The following FLT1 variants were observed in gnomAD, a reference collection of about 807,000 sequenced individuals.
The protein encoded by FLT1 is fms related receptor tyrosine kinase 1.
In FLT1, 49 loss-of-function variants were observed where a neutral mutation model predicts 156.3. That is an observed-to-expected ratio of 0.31 (90% CI 0.25 to 0.40). FLT1 has a LOEUF of 0.40. Ranked by LOEUF, FLT1 falls within the 10% of genes least tolerant of loss-of-function variation. The pLI is 1.00. For synonymous variants in FLT1, 594 were observed against 583.8 expected, an observed-to-expected ratio of 1.02 and a Z score of -0.25; for missense variants, 1,322 against 1,637.2, an observed-to-expected ratio of 0.81 and a Z score of 3.32.
chr13:28,406,757 C>T lies in FLT1; in HGVS notation c.1437-863G>A, dbSNP rs1376541078. On this transcript the variant is annotated intron_variant, in intron 10 of 29. Transcript: ENST00000282397. ...AACCTCTGGGTTCAAGCAATCCTGC[C>T]GCTTCAGCCTGTAGCTGGGATTATA... Among the ~76,000 whole-genome samples the T allele has an allele frequency of 4.6e-5, 7 of 152,084 alleles. No individual in the cohort carries two copies. The East Asian group carries it at 7.7e-4, about 17-fold the overall frequency.
intron 16 of FLT1, among the ~76,000 whole-genome samples, chr13:28,342,955 TC>T (rs1383562970): frequency 6.8e-6 from 1 of 147,280 alleles, no homozygotes; most frequent in Non-Finnish European, 1.5e-5. Flanking sequence ...TTTCTCTCTC[TC>T]TCTCTCTCTC....
At chr13:28,412,212 T>C (rs1367231489) in intron 10 of FLT1, among the ~76,000 whole-genome samples, 1 of 152,182 alleles carries the variant, frequency 6.6e-6, no homozygotes, top group African/African-American at 2.4e-5. Flanking sequence ...CTACTGTGGG[T>C]GTCGTGTCAA....
intron 15 of FLT1, among the ~76,000 whole-genome samples, chr13:28,357,306 A>G (rs540377723): frequency 2.8e-4 from 43 of 152,162 alleles, no homozygotes; most frequent in African/African-American, 9.4e-4. Flanking sequence ...TCTTCTGGGA[A>G]CGACTTCTCC....
At position 28,312,071 on chromosome 13, in the gene FLT1, G is replaced by T. The variant is rs762195216; in HGVS notation, c.3414C>A (p.His1138Gln). Residue 1138 changes from histidine (H) to glutamine (Q), a missense_variant, in exon 26 of 30, where the codon CAC (histidine) becomes CAA (glutamine). Around this residue, in one of 3 missense-constraint regions of FLT1, gnomAD observed 329 missense variants for 366.2 expected, o/e 0.90. Coordinates refer to ENST00000282397, the MANE Select transcript of FLT1 (RefSeq NM_002019.4). ...ATCTTGGCCTTTCTTTTGGGTCTCT[G>T]TGCCAGCAGTCCAGCATGATCTGAT... Reference protein sequence around the residue: ...EIYQIMLDCWHRDPKERPRFA... With the variant: ...EIYQIMLDCWQRDPKERPRFA... 5 of 1,613,548 alleles carry T rather than the reference G, an allele frequency of 3.1e-6. No individual in the cohort carries two copies. The East Asian group carries it at 1.1e-4, about 36-fold the overall frequency.
rs1424415784 is a variant in FLT1, at chr13:28,301,163, T to C, written c.*2004A>G. On this transcript the variant is annotated 3_prime_UTR_variant, in exon 30 of 30. Coordinates refer to ENST00000282397, the MANE Select transcript of FLT1 (RefSeq NM_002019.4). ...GTTATCACTATTTGCTGGGCTATTA[T>C]CTGATTTGGAAAAAAAAAAAAAAGT... The C allele has an allele frequency of 1.8e-5, 4 of 224,980 alleles. No homozygotes were observed. The highest frequency in any genetic ancestry group is 1.3e-4 in the East Asian group (2 of 15,722). 13.9% of individuals were successfully genotyped at this position (224,980 alleles called of 1,614,324 possible).
At position 28,318,170 on chromosome 13, in the gene FLT1, T is replaced by C. The variant is rs184253803; in HGVS notation, c.3287-573A>G. Among the ~76,000 whole-genome samples, 4 of 152,236 alleles carry C rather than the reference T, an allele frequency of 2.6e-5. No individual in the cohort carries two copies. In the East Asian group the frequency reaches 7.7e-4, roughly 29 times the overall value. The stretch of plus-strand genomic sequence containing the variant: ...GCCAATAGACTTGGGATAGGCTACA[T>C]AGGAATCATTCACACTTGAGTGGGA... On this transcript the variant is annotated intron_variant, in intron 24 of 29. Coordinates refer to ENST00000282397, the MANE Select transcript of FLT1 (RefSeq NM_002019.4).
At chr13:28,392,454 T>C (rs1181152478) in intron 12 of FLT1, among the ~76,000 whole-genome samples, 2 of 152,248 alleles carry the variant, frequency 1.3e-5, no homozygotes. Context: ...AGAGGTATTG[T>C]GCACTGGTTG....
At chr13:28,346,857 A>C (rs574205787) in intron 15 of FLT1, among the ~76,000 whole-genome samples, 10 of 152,328 alleles carry the variant, frequency 6.6e-5, no homozygotes, top group African/African-American at 2.4e-4. Context: ...TAAGCATGCA[A>C]ACTATGAAGT....
At chr13:28,414,581 C>G (rs1876533424) in intron 10 of FLT1, among the ~76,000 whole-genome samples, 1 of 152,178 alleles carries the variant, frequency 6.6e-6, no homozygotes, top group African/African-American at 2.4e-5. Flanking sequence ...ACACAGGAAA[C>G]AAATCATTAA....
chr13:28,470,975 G>C (rs938406128), intron 1 of FLT1, among the ~76,000 whole-genome samples: 1 of 152,186 alleles, frequency 6.6e-6, no homozygotes, highest in Non-Finnish European at 1.5e-5. Flanking sequence ...ACAGACGTGA[G>C]CCACCGCGCC....
intron 20 of FLT1, 122 bp downstream of exon 20, chr13:28,327,340 G>C: frequency 2.8e-6 from 2 of 703,792 alleles, no homozygotes; most frequent in Non-Finnish European, 5.1e-6. Context: ...AGAAGAAGCA[G>C]AGATTGAGTT....
chr13:28,386,469 A>G, intron 13 of FLT1: 1 of 1,046,346 alleles, frequency 9.6e-7, no homozygotes, highest in Non-Finnish European at 1.2e-6. Flanking sequence ...GAAGGCAAAA[A>G]AGTGTGCTGA....
At chr13:28,477,056 G>GA (rs1043539618) in intron 1 of FLT1, among the ~76,000 whole-genome samples, 3 of 152,104 alleles carry the variant, frequency 2.0e-5, no homozygotes, top group Non-Finnish European at 2.9e-5. Flanking sequence ...TATTTACACG[G>GA]AAAAAAATCT....
Position 28,453,904 on chromosome 13 carries a change from G to A in FLT1, c.388+12999C>T, listed in dbSNP as rs546988585. Among the ~76,000 whole-genome samples, 27 of 152,286 alleles carry A rather than the reference G, an allele frequency of 1.8e-4. No individual in the cohort carries two copies. In the South Asian group the frequency reaches 5.2e-3, roughly 29 times the overall value. Reference sequence around the variant, plus strand: ...CCTGTCCGTAGAGCTTGTGAGAGGTGAGTCCTGTGTGAAAGGTCAGTAGGA... The same window carrying A: ...CCTGTCCGTAGAGCTTGTGAGAGGTAAGTCCTGTGTGAAAGGTCAGTAGGA... On this transcript the variant is annotated intron_variant, in intron 3 of 29. Transcript: ENST00000282397.
In FLT1 at chr13:28,397,156, C is replaced by A; in HGVS notation, c.1552-88G>T. Reference sequence around the variant, plus strand: ...TACTTCTGAGGTTGAAATGATTCAGCTACTCCATTCATTCTGCAAAGAGAG... The same window carrying A: ...TACTTCTGAGGTTGAAATGATTCAGATACTCCATTCATTCTGCAAAGAGAG... On this transcript the variant is annotated intron_variant, in intron 11 of 29. Coordinates refer to ENST00000282397, the MANE Select transcript of FLT1 (RefSeq NM_002019.4). 6 of 775,696 alleles carry A rather than the reference C, an allele frequency of 7.7e-6. 1 individual carries two copies. The South Asian group carries it at 8.6e-5, about 11-fold the overall frequency. The allele number at this position is 775,696 out of a possible 1,614,324, so 48.1% of individuals were successfully genotyped here.
At chr13:28,346,847 T>C (rs1593698301) in intron 15 of FLT1, among the ~76,000 whole-genome samples, 1 of 152,360 alleles carries the variant, frequency 6.6e-6, no homozygotes, top group African/African-American at 2.4e-5. Context: ...TATTATATTC[T>C]AAGCATGCAA....
At position 28,302,641 on chromosome 13, in the gene FLT1, C is replaced by G. The variant is rs1292692042; in HGVS notation, c.*526G>C. The G allele has an allele frequency of 4.2e-6, 1 of 235,674 alleles. No individual in the cohort carries two copies. The highest frequency in any genetic ancestry group is 8.3e-6 in the Non-Finnish European group (1 of 119,828). 14.6% of individuals were successfully genotyped at this position (235,674 alleles called of 1,614,324 possible). On this transcript the variant is annotated 3_prime_UTR_variant, in exon 30 of 30. Transcript: ENST00000282397. ...ACATGGTGCGTCTCAAATTCTTTCT[C>G]ATGCCTTCTCCCGGTTTCTCTTTTC...
chr13:28,490,684 C>A (rs144701761), intron 1 of FLT1, among the ~76,000 whole-genome samples: 2 of 152,252 alleles, frequency 1.3e-5, no homozygotes, highest in African/African-American at 4.8e-5. Context: ...ATGGACTGTT[C>A]GGTTCTACCA....
At chr13:28,311,566 T>G in intron 27 of FLT1, 24 bp downstream of exon 27, 1 of 1,601,790 alleles carries the variant, frequency 6.2e-7, no homozygotes, top group Non-Finnish European at 8.5e-7. Context: ...TTCTGTGATA[T>G]AAAGTTTGAG....
Sources: gnomAD v4.1 joint callset for allele counts (sites outside exome capture counted in the v4.1 genomes callset) on GRCh38, gnomAD v4.1.1 for gene constraint, gnomAD v4.1.1 regional missense constraint, MANE v1.5 for transcripts, NCBI Gene and HGNC (gene_info 2026-07-23, HGNC 2026-07-21) for gene names.